GHRHR: variants seen among roughly 807,000 people sequenced by gnomAD.
GHRHR encodes growth hormone releasing hormone receptor, also known as growth hormone-releasing hormone receptor.
In GHRHR, 40 loss-of-function variants were observed where a neutral mutation model predicts 58.3. The observed-to-expected ratio is 0.69, with a 90% CI of 0.53 to 0.89. The LOEUF (loss-of-function observed/expected upper bound fraction) is 0.89, where lower values mean the gene tolerates loss of function less well. Among genes scored for constraint, GHRHR ranks in the 40% least tolerant of loss-of-function variants. The probability of loss-of-function intolerance (pLI) is 0.00; values close to 1 mark genes in which losing one functional copy is unlikely to be tolerated. For synonymous variants in GHRHR, 249 were observed against 216.6 expected (o/e 1.15, Z -1.31); for missense variants, 551 against 541.3 (o/e 1.02, Z -0.18).
Position 30,974,481 on chromosome 7 carries a change from G to A in GHRHR, c.804G>A (p.Glu268=). ...GGGTGAGCTGCAAACTGGCCTTCGA[G>A]GACATCGCGTGAGTCGGAGCGGCCA... ...GTWVSCKLAF[E]DIACWDLDDT... is the part of the protein sequence containing the mutation. The change falls in exon 8 of 13, where the codon GAG becomes GAA. Residue 268 remains glutamate (E), a synonymous_variant. Transcript: ENST00000326139. The A allele has an allele frequency of 6.2e-7, 1 of 1,611,734 alleles. No homozygotes were observed.
At chr7:30,967,674 C>T (rs770854886) in intron 1 of GHRHR, among the ~76,000 whole-genome samples, 10 of 151,654 alleles carry the variant, frequency 6.6e-5, no homozygotes, top group Non-Finnish European at 1.3e-4. Context: ...ACTAGCCTTC[C>T]TTCCTTCTTT....
chr7:30,970,646 C>T lies in GHRHR; in HGVS notation c.367-473C>T, dbSNP rs115740793. 6.4e-3 allele frequency among the ~76,000 whole-genome samples: 972 copies of T among 152,360 alleles called. 8 individuals are homozygous for T. The highest frequency in any genetic ancestry group is 0.023 in the African/African-American group (948 of 41,584). On this transcript the variant is annotated intron_variant, in intron 4 of 12. Coordinates refer to ENST00000326139, the MANE Select transcript of GHRHR (RefSeq NM_000823.4). ...TGCCTGCACCCTCTATCTTCAGGGC[C>T]AGGCTGGACTCTGACTGATCCAAAC...
Position 30,969,126 on chromosome 7 carries a change from C to T in GHRHR, c.224C>T (p.Thr75Ile), listed in dbSNP as rs1482366707. Residue 75 changes from threonine (T) to isoleucine (I), a missense_variant, in exon 3 of 13, where the codon ACC becomes ATC. Physicochemically the swap from Thr to Ile is moderately conservative, Grantham distance 89. Transcript: ENST00000326139. ...WPTAGSGEWV[T>I]LPCPDFFSHF... ...ACGGCAGGCTCTGGCGAGTGGGTCA[C>T]CCTCCCCTGCCCGGATTTCTTCTCT... is the stretch of plus-strand genomic sequence containing the variant. 6.3e-7 allele frequency: 1 copy of T among 1,575,402 alleles called. No homozygotes were observed. The highest frequency in any genetic ancestry group is 8.6e-7 in the Non-Finnish European group (1 of 1,160,350).
In GHRHR at chr7:30,979,236, A is replaced by G; in HGVS notation, c.1264A>G (p.Met422Val). 1 of 1,613,874 alleles carries G rather than the reference A, an allele frequency of 6.2e-7. No individual in the cohort carries two copies. The highest frequency in any genetic ancestry group is 1.7e-4 in the Middle Eastern group (1 of 6,054). Residue 422 changes from methionine to valine, a missense_variant, in exon 13 of 13, where the codon ATG becomes GTG. Met to Val is a conservative substitution (Grantham distance 21, BLOSUM62 1). Transcript: ENST00000326139. ...CTCGGCGGCAAAGGTGCTGACATCT[A>G]TGTGCTAGGCTGCCTCATCACGCCA... The part of the protein sequence containing the change: ...SRSAAKVLTS[M>V]C
At chr7:30,976,014 TC>T in intron 10 of GHRHR, 146 bp downstream of exon 10, 1 of 678,898 alleles carries the variant, frequency 1.5e-6, no homozygotes, top group Non-Finnish European at 2.7e-6. Flanking sequence ...CCTGGCCCCT[TC>T]CTTCTAGGGG....
chr7:30,967,602 T>TATCCATCCATCCGTCTAA (rs3831723), intron 1 of GHRHR, among the ~76,000 whole-genome samples: 1 of 151,646 alleles, frequency 6.6e-6, no homozygotes, highest in East Asian at 1.9e-4. Context: ...GTCATCTGTC[T>TATCCATCCATCCGTCTAA]ATCCATCCAT....
rs1792650800 is a variant in GHRHR at position 30,979,426 on chromosome 7, T to G, written c.*182T>G. ...CTTTTGAGGTCCCTGTATGTCTACC[T>G]CTGACTTCTGTGGTCCCTCTGTGTC... On this transcript the variant is annotated 3_prime_UTR_variant, in exon 13 of 13. Coordinates refer to ENST00000326139, the MANE Select transcript of GHRHR (RefSeq NM_000823.4). 1.6e-6 allele frequency: 1 copy of G among 622,584 alleles called. No individual in the cohort carries two copies. The highest frequency in any genetic ancestry group is 2.9e-6 in the Non-Finnish European group (1 of 340,590). 38.6% of individuals were successfully genotyped at this position (622,584 alleles called of 1,614,324 possible). A position where few individuals can be genotyped will look rare whatever the true frequency, so the allele number is the denominator to read the frequency against.
rs746866948 is a variant in GHRHR, at chr7:30,972,129, G to C, written c.597+34G>C. On this transcript the variant is annotated intron_variant, in intron 6 of 12. Coordinates refer to ENST00000326139, the MANE Select transcript of GHRHR (RefSeq NM_000823.4). ...CATGGGTGAAGGGGCTGGGCAGGTGGGGGAGAGAGGAGGTAGGATTACAGA... is the reference window on the plus strand; with the variant it reads ...CATGGGTGAAGGGGCTGGGCAGGTGCGGGAGAGAGGAGGTAGGATTACAGA... 1.5e-5 allele frequency: 24 copies of C among 1,611,270 alleles called. No individual in the cohort carries two copies. The East Asian group carries it at 5.1e-4, about 34-fold the overall frequency.
intron 3 of GHRHR, 135 bp downstream of exon 3, chr7:30,969,305 A>G (rs930160852): frequency 4.3e-6 from 3 of 704,062 alleles, no homozygotes; most frequent in Non-Finnish European, 7.7e-6. Context: ...ACCTCGGGCC[A>G]GTCAGTCTAT....
chr7:30,970,216 C>A (rs545442321), intron 4 of GHRHR, among the ~76,000 whole-genome samples: 2 of 152,188 alleles, frequency 1.3e-5, no homozygotes, highest in Non-Finnish European at 2.9e-5. Flanking sequence ...CGGCTGCTGT[C>A]TTGGTTCTGT....
rs1176417202 is a variant in GHRHR, at chr7:30,969,180, G to T, written c.268+10G>T. ...TTCAGCTCAGAGTCAGGTGAGGGGT[G>T]CTGGGTGTGGCGGTGGGAAAGGGAG... is the stretch of plus-strand genomic sequence containing the variant. On this transcript the variant is annotated intron_variant, in intron 3 of 12. Coordinates refer to ENST00000326139, the MANE Select transcript of GHRHR (RefSeq NM_000823.4). 4.7e-6 allele frequency: 7 copies of T among 1,503,788 alleles called. No homozygotes were observed. In the African/African-American group the frequency reaches 6.9e-5, roughly 15 times the overall value. 93.2% of individuals were successfully genotyped at this position (1,503,788 alleles called of 1,614,324 possible).
intron 1 of GHRHR, among the ~76,000 whole-genome samples, chr7:30,967,942 G>A (rs1038032418): frequency 6.6e-6 from 1 of 152,168 alleles, no homozygotes; most frequent in African/African-American, 2.4e-5. Flanking sequence ...CCTGGAGACT[G>A]TAGAGAATAA....
At position 30,975,780 on chromosome 7, in the gene GHRHR, A is replaced by G. The variant is rs1792563800; in HGVS notation, c.886A>G (p.Asn296Asp). 5 of 1,603,674 alleles carry G rather than the reference A, an allele frequency of 3.1e-6. No homozygotes were observed. The highest frequency in any genetic ancestry group is 3.4e-6 in the Non-Finnish European group (4 of 1,170,526). ...CTTCCTATGCCTCTATTTCCAGGTG[A>G]ACTTTGGGCTTTTTCTCAATATTAT... Reference protein sequence around the residue: ...KGPIVLSVGVNFGLFLNIIRI... With the variant: ...KGPIVLSVGVDFGLFLNIIRI... The change falls in exon 10 of 13, where the codon AAC (asparagine) becomes GAC (aspartate). Residue 296 changes from asparagine (N) to aspartate (D), a missense_variant. By Grantham distance (23) the Asn-to-Asp change is conservative (BLOSUM62 1). Transcript: ENST00000326139.
chr7:30,970,681 C>T (rs761034709), intron 4 of GHRHR, among the ~76,000 whole-genome samples: 3 of 152,224 alleles, frequency 2.0e-5, no homozygotes, highest in Non-Finnish European at 4.4e-5. Context: ...CACTTGGCCA[C>T]GGAAACCTTT....
rs2128597637 is a variant in GHRHR at position 30,970,955 on chromosome 7, TC to T, written c.367-162del. ...TGGAAGGCAGGCTGTAAACTAAAGCTCCAGTGCACAGGGGGAGCTTTCCATG... is the reference window on the plus strand; with the variant it reads ...TGGAAGGCAGGCTGTAAACTAAAGCTCAGTGCACAGGGGGAGCTTTCCATG... On this transcript the variant is annotated intron_variant, in intron 4 of 12. Coordinates refer to ENST00000326139, the MANE Select transcript of GHRHR (RefSeq NM_000823.4). 4.8e-5 allele frequency: 33 copies of T among 683,482 alleles called. No individual in the cohort carries two copies. In the South Asian group the frequency reaches 5.0e-4, roughly 10 times the overall value. 42.3% of individuals were successfully genotyped at this position (683,482 alleles called of 1,614,324 possible).
intron 1 of GHRHR, among the ~76,000 whole-genome samples, chr7:30,965,189 G>A (rs572323434): frequency 6.8e-4 from 104 of 152,294 alleles, no homozygotes; most frequent in Middle Eastern, 3.4e-3. Flanking sequence ...CCCCCTGTCT[G>A]CCATCTGTGT....
intron 1 of GHRHR, among the ~76,000 whole-genome samples, chr7:30,965,378 C>T (rs528941526): frequency 9.2e-5 from 14 of 151,426 alleles, no homozygotes; most frequent in Non-Finnish European, 1.3e-4. Context: ...GGGTCCAGGG[C>T]GATGGAGCCT....
Position 30,979,298 on chromosome 7 carries a change from G to T in GHRHR, c.*54G>T. On this transcript the variant is annotated 3_prime_UTR_variant, in exon 13 of 13. Coordinates refer to ENST00000326139, the MANE Select transcript of GHRHR (RefSeq NM_000823.4). ...ACTTGAATTTGGGCAGCTACCACGG[G>T]TCTGCCATGCTCTGGAGGAGCAAGG... is the stretch of plus-strand genomic sequence containing the variant. The T allele has an allele frequency of 6.3e-7, 1 of 1,587,744 alleles. No individual in the cohort carries two copies. Among genetic ancestry groups the T allele is most frequent in the East Asian group, 2.2e-5 (1 of 44,456 alleles).
At chr7:30,976,600 C>T (rs780681118) in intron 11 of GHRHR, 42 bp downstream of exon 11, 8 of 1,595,312 alleles carry the variant, frequency 5.0e-6, no homozygotes, top group Non-Finnish European at 6.0e-6. Context: ...ATTGAGGGTG[C>T]TGGAGGGAGG....
Sources: gnomAD v4.1 joint callset for allele counts (sites outside exome capture counted in the v4.1 genomes callset) on GRCh38, gnomAD v4.1.1 for gene constraint, MANE v1.5 for transcripts, NCBI Gene and HGNC (gene_info 2026-07-23, HGNC 2026-07-21) for gene names.